Variants in GREB1 observed in about 807,000 individuals in gnomAD.
GREB1 encodes the protein growth regulating estrogen receptor binding 1.
GREB1 carries 106 observed loss-of-function variants against 200.7 expected under a neutral mutation model. The observed-to-expected ratio is 0.53, with a 90% CI of 0.45 to 0.62. The LOEUF is 0.62. GREB1 is among the 20% of genes least tolerant of loss of function. The pLI is 0.00. For missense variants in GREB1, 2,243 were observed against 2,556.8 expected (o/e 0.88, Z 2.65); for synonymous variants, 1,132 against 1,092.4 (o/e 1.04, Z -0.72).
chr2:11,511,614 G>A (rs1411232828), intron 1 of GREB1, among the ~76,000 whole-genome samples: 2 of 152,106 alleles, frequency 1.3e-5, no homozygotes, highest in African/African-American at 2.4e-5. Flanking sequence ...CCGGTGAGAG[G>A]AGGGCGTCTG....
chr2:11,607,556 A>G (rs1207787273), intron 17 of GREB1, among the ~76,000 whole-genome samples: 1 of 144,230 alleles, frequency 6.9e-6, no homozygotes, highest in Non-Finnish European at 1.5e-5. Context: ...ATGTACATAC[A>G]TATATATACG....
upstream of GREB1, among the ~76,000 whole-genome samples, chr2:11,533,386 T>G (rs998554437): frequency 2.6e-5 from 4 of 152,154 alleles, no homozygotes; most frequent in Non-Finnish European, 5.9e-5. Context: ...CAAAGTCAGC[T>G]TTGAAGTCAG....
chr2:11,622,499 A>G (rs1684092376), intron 23 of GREB1, among the ~76,000 whole-genome samples: 1 of 152,194 alleles, frequency 6.6e-6, no homozygotes, highest in South Asian at 2.1e-4. Flanking sequence ...TTATAATTTG[A>G]ATTGGGCCAT....
intron 1 of GREB1, among the ~76,000 whole-genome samples, chr2:11,535,546 G>A (rs1377532063): frequency 3.0e-5 from 4 of 131,720 alleles, no homozygotes; most frequent in Admixed American, 7.6e-5. Flanking sequence ...TTTACTCTTC[G>A]AGTTTCCAGT....
chr2:11,531,560 A>G (rs1674075942), upstream of GREB1, among the ~76,000 whole-genome samples: 1 of 151,998 alleles, frequency 6.6e-6, no homozygotes, highest in Non-Finnish European at 1.5e-5. Context: ...TAAACATTTA[A>G]TTAATTAATT....
At chr2:11,552,742 T>C (rs753758369) in intron 1 of GREB1, among the ~76,000 whole-genome samples, 2 of 151,976 alleles carry the variant, frequency 1.3e-5, no homozygotes, top group East Asian at 1.9e-4. Flanking sequence ...CCGGGCGCGG[T>C]GGCTCACGCC....
rs1388619848 is a variant in GREB1 at position 11,615,131 on chromosome 2, T to C, written c.3163T>C (p.Cys1055Arg). 1.9e-6 allele frequency: 3 copies of C among 1,614,196 alleles called. No homozygotes were observed. The highest frequency in any genetic ancestry group is 2.5e-6 in the Non-Finnish European group (3 of 1,180,002). ...TGACCTGCGATTGATAAACTCCTCCTGCTTGGTGAGAACAGCCTTGGAGCA... is the reference window on the plus strand; with the variant it reads ...TGACCTGCGATTGATAAACTCCTCCCGCTTGGTGAGAACAGCCTTGGAGCA... ...YCDLRLINSS[C>R]LVRTALEQEL... The change falls in exon 20 of 33, where the codon TGC (cysteine) becomes CGC (arginine). Residue 1055 changes from cysteine (C) to arginine (R), a missense_variant. Around this residue, in one of 3 missense-constraint regions of GREB1, gnomAD observed 1,178 missense variants for 1,387.4 expected, o/e 0.85. Transcript: ENST00000381486.
At chr2:11,614,352 C>T (rs566550865) in intron 19 of GREB1, among the ~76,000 whole-genome samples, 1 of 152,172 alleles carries the variant, frequency 6.6e-6, no homozygotes, top group African/African-American at 2.4e-5. Context: ...GTCTTGAACT[C>T]CTGACCTCAA....
chr2:11,592,727 G>T (rs1014516230), intron 10 of GREB1, 49 bp from the exon 11 acceptor site: 4 of 1,279,400 alleles, frequency 3.1e-6, no homozygotes, highest in Non-Finnish European at 4.2e-6. Context: ...GTGCGTCCCC[G>T]GATGCCGCTG....
chr2:11,618,504 G>T lies in GREB1; in HGVS notation c.3629G>T (p.Ser1210Ile). Residue 1210 changes from serine to isoleucine, a missense_variant, in exon 22 of 33, where the codon AGC becomes ATC. Physicochemically the swap from Ser to Ile is moderately radical, Grantham distance 142. This residue lies in a region of GREB1 where 587 missense variants were observed against 553.1 expected (regional missense o/e 1.06). Coordinates refer to ENST00000381486, the MANE Select transcript of GREB1 (RefSeq NM_014668.4). The stretch of plus-strand genomic sequence containing the variant: ...TGTAGCCTCAGGACCGGCCAGAGGA[G>T]CGTCCAGGTGTCGGTCACCTCGTCG... ...PDCSLRTGQR[S>I]VQVSVTSSCS... is the part of the protein sequence containing the mutation. 1 of 1,611,198 alleles carries T rather than the reference G, an allele frequency of 6.2e-7. No individual in the cohort carries two copies.
At chr2:11,542,619 G>T (rs893876919) in intron 1 of GREB1, 1 of 97,072 alleles carries the variant, frequency 1.0e-5, no homozygotes, top group Non-Finnish European at 2.4e-5. Flanking sequence ...TATGAGCAAA[G>T]TGCTGGGGCG....
chr2:11,636,633 G>A (rs537369243), intron 30 of GREB1, among the ~76,000 whole-genome samples: 4 of 152,346 alleles, frequency 2.6e-5, no homozygotes, highest in South Asian at 2.1e-4. Context: ...AGTGTGTGTC[G>A]CGGGGAGACC....
At chr2:11,582,469 G>A (rs932459140) in intron 7 of GREB1, among the ~76,000 whole-genome samples, 5 of 152,158 alleles carry the variant, frequency 3.3e-5, no homozygotes, top group South Asian at 2.1e-4. Context: ...CCTGCGTCCC[G>A]GCTCTGGGCT....
chr2:11,592,208 A>G, intron 10 of GREB1: 1 of 363,522 alleles, frequency 2.8e-6, no homozygotes, highest in South Asian at 1.1e-4. Flanking sequence ...TTTTTTAACA[A>G]CAGCAGTGTT....
At chr2:11,490,279 T>C (rs1315011601) in intron 1 of GREB1, among the ~76,000 whole-genome samples, 1 of 152,190 alleles carries the variant, frequency 6.6e-6, no homozygotes, top group African/African-American at 2.4e-5. Flanking sequence ...TTGCCTATTG[T>C]GGATATTTCA....
intron 25 of GREB1, among the ~76,000 whole-genome samples, chr2:11,628,345 G>A (rs1684626933): frequency 6.6e-6 from 1 of 152,188 alleles, no homozygotes; most frequent in South Asian, 2.1e-4. Context: ...GCCTGGCTGG[G>A]GAGCAGAGGC....
In GREB1 at chr2:11,495,795, C is replaced by CCTTTTTTTT. The variant is rs1393933225; in HGVS notation, c.-159+13414_-159+13415insCTTTTTTTT. ...GAATCTTGGTTAGGATAAGTCCCCC[C>CCTTTTTTTT]GTTTTTTTTTTTTTTTTTGAGTGAA... On this transcript the variant is annotated intron_variant, in intron 1 of 2. Coordinates refer to the GREB1 transcript ENST00000628795. 6.5e-4 allele frequency among the ~76,000 whole-genome samples: 92 copies of CCTTTTTTTT among 140,510 alleles called. 1 individual carries two copies. The highest frequency in any genetic ancestry group is 2.3e-3 in the African/African-American group (88 of 37,752). 92.2% of individuals were successfully genotyped at this position (140,510 alleles called of 152,430 possible).
upstream of GREB1, among the ~76,000 whole-genome samples, chr2:11,532,463 T>C (rs116484912): frequency 5.9e-3 from 899 of 152,346 alleles, 6 homozygotes; most frequent in African/African-American, 0.02. Context: ...GTAGTTATCT[T>C]TCCTTACGCC....
At chr2:11,578,473 G>C (rs201057748) in intron 6 of GREB1, 42 bp downstream of exon 6, 2 of 1,601,592 alleles carry the variant, frequency 1.2e-6, no homozygotes, top group Non-Finnish European at 1.7e-6. Context: ...AACCCACAGA[G>C]CTGGCACTGT....
Sources: gnomAD v4.1 joint callset for allele counts (sites outside exome capture counted in the v4.1 genomes callset) on GRCh38, gnomAD v4.1.1 for gene constraint, gnomAD v4.1.1 regional missense constraint, MANE v1.5 for transcripts, NCBI Gene and HGNC (gene_info 2026-07-23, HGNC 2026-07-21) for gene names.